The following SBF2 variants were observed in gnomAD, a reference collection of about 807,000 sequenced individuals.
SBF2 encodes the protein myotubularin-related protein 13.
Under a neutral mutation model 225.2 loss-of-function variants are expected in SBF2, and 112 were observed. The observed-to-expected ratio is 0.50, with a 90% CI of 0.43 to 0.58. The LOEUF (loss-of-function observed/expected upper bound fraction) is 0.58. SBF2 is among the 20% of genes least tolerant of loss of function. SBF2 has a pLI of 0.00. For missense variants in SBF2, 1,996 were observed against 2,206.2 expected (o/e 0.90, Z 1.91); for synonymous variants, 763 against 773.3 (o/e 0.99, Z 0.22).
chr11:9,785,803 G>T (rs1021831819), intron 36 of SBF2, among the ~76,000 whole-genome samples: 1 of 152,062 alleles, frequency 6.6e-6, no homozygotes, highest in Non-Finnish European at 1.5e-5. Context: ...AGTGAGCCAT[G>T]ATCACGCCAC....
rs556892735 is a variant in SBF2 at position 10,173,703 on chromosome 11, G to A, written c.141+20199C>T. Among the ~76,000 whole-genome samples, 18 of 152,002 alleles carry A rather than the reference G, an allele frequency of 1.2e-4. No homozygotes were observed. In the East Asian group the frequency reaches 2.6e-3, roughly 22 times the overall value. On this transcript the variant is annotated intron_variant, in intron 2 of 39. Transcript: ENST00000256190. ...CTGCCTCTGTAGGCTCCACCTCTGG[G>A]GGCAGGGCACAGACAAACAAAAAGA...
chr11:10,282,233 T>C (rs1963458035), intron 1 of SBF2, among the ~76,000 whole-genome samples: 1 of 152,178 alleles, frequency 6.6e-6, no homozygotes, highest in Admixed American at 6.5e-5. Context: ...CTTGGTTCTT[T>C]TGCAATACCT....
chr11:10,087,653 T>A (rs1156832035), intron 2 of SBF2, among the ~76,000 whole-genome samples: 1 of 152,248 alleles, frequency 6.6e-6, no homozygotes, highest in African/African-American at 2.4e-5. Context: ...ATGAAGCTCA[T>A]GAAGCTTATG....
intron 2 of SBF2, among the ~76,000 whole-genome samples, chr11:10,088,832 A>C (rs1951674604): frequency 6.6e-6 from 1 of 152,260 alleles, no homozygotes; most frequent in African/African-American, 2.4e-5. Context: ...TGGCAATCAG[A>C]ATAATGAGAA....
intron 1 of SBF2, among the ~76,000 whole-genome samples, chr11:10,203,835 C>A (rs1957653783): frequency 6.6e-6 from 1 of 151,684 alleles, no homozygotes; most frequent in Non-Finnish European, 1.5e-5. Context: ...AACAGAGAAA[C>A]AGACTGGGAA....
At chr11:10,292,513 C>G (rs1964223913) in intron 1 of SBF2, among the ~76,000 whole-genome samples, 1 of 151,960 alleles carries the variant, frequency 6.6e-6, no homozygotes, top group African/African-American at 2.4e-5. Context: ...AATCCCGTCT[C>G]TACTACAAAT....
At position 10,261,268 on chromosome 11, in the gene SBF2, T is replaced by C. The variant is rs186139752; in HGVS notation, c.55+32747A>G. Among the ~76,000 whole-genome samples the C allele has an allele frequency of 3.7e-4, 57 of 152,314 alleles. 1 individual carries two copies. The highest frequency in any genetic ancestry group is 1.2e-3 in the African/African-American group (51 of 41,572). On this transcript the variant is annotated intron_variant, in intron 1 of 39. Transcript: ENST00000256190. ...CCCAGGCTGGAGTGCAGTGGTACCA[T>C]CTTTGCTCACTGCAACCTCCACCTC...
At chr11:10,001,959 A>G (rs1947980651) in intron 7 of SBF2, among the ~76,000 whole-genome samples, 1 of 152,190 alleles carries the variant, frequency 6.6e-6, no homozygotes, top group Non-Finnish European at 1.5e-5. Flanking sequence ...CAGCACTATT[A>G]GTCATCACTG....
At chr11:10,186,249 GTTCA>G (rs1184274332) in intron 2 of SBF2, among the ~76,000 whole-genome samples, 16 of 152,168 alleles carry the variant, frequency 1.1e-4, no homozygotes, top group Admixed American at 2.6e-4. Flanking sequence ...ACATTAGTGT[GTTCA>G]TTGGGCAAGC....
At chr11:9,892,806 G>A (rs1054977605) in intron 17 of SBF2, among the ~76,000 whole-genome samples, 3 of 152,102 alleles carry the variant, frequency 2.0e-5, no homozygotes, top group Admixed American at 6.6e-5. Flanking sequence ...TGATCCGCCC[G>A]CCTCGGCCTC....
chr11:10,258,218 C>G (rs1961069440), intron 1 of SBF2, among the ~76,000 whole-genome samples: 1 of 151,928 alleles, frequency 6.6e-6, no homozygotes, highest in African/African-American at 2.4e-5. Flanking sequence ...AATCCTCATG[C>G]CCCAGCCCCC....
intron 1 of SBF2, among the ~76,000 whole-genome samples, chr11:10,286,672 G>GT (rs766922754): frequency 3.5e-4 from 53 of 151,936 alleles, no homozygotes; most frequent in South Asian, 1.0e-3. Flanking sequence ...TTTGTTTTTT[G>GT]TTTTTTTGTC....
chr11:9,976,652 CA>C (rs1458576993), intron 13 of SBF2, among the ~76,000 whole-genome samples: 1 of 152,140 alleles, frequency 6.6e-6, no homozygotes, highest in African/African-American at 2.4e-5. Flanking sequence ...TGTCAAATTA[CA>C]TATCTAGCAA....
chr11:9,831,642 C>T (rs1384484457), intron 27 of SBF2, among the ~76,000 whole-genome samples: 1 of 152,194 alleles, frequency 6.6e-6, no homozygotes, highest in African/African-American at 2.4e-5. Flanking sequence ...AATACAGCTC[C>T]TGACTTCAAG....
At chr11:9,940,791 T>C (rs1424336752) in intron 16 of SBF2, among the ~76,000 whole-genome samples, 1 of 151,380 alleles carries the variant, frequency 6.6e-6, no homozygotes, top group Admixed American at 6.6e-5. Flanking sequence ...TAAAAAATAA[T>C]AGAACAAGTG....
At chr11:10,153,658 G>A (rs1347003300) in intron 2 of SBF2, among the ~76,000 whole-genome samples, 2 of 151,420 alleles carry the variant, frequency 1.3e-5, no homozygotes, top group Admixed American at 1.3e-4. Context: ...AGCAGAAGGA[G>A]GAAAATAATA....
intron 2 of SBF2, among the ~76,000 whole-genome samples, chr11:10,098,669 G>A (rs936561820): frequency 8.4e-6 from 1 of 119,704 alleles, no homozygotes; most frequent in Non-Finnish European, 1.7e-5. Flanking sequence ...AATCAACAAA[G>A]ACAAAAAATG....
chr11:9,804,659 G>C (rs902091063), intron 32 of SBF2, among the ~76,000 whole-genome samples: 3 of 152,084 alleles, frequency 2.0e-5, no homozygotes, highest in African/African-American at 7.2e-5. Context: ...AGTCACTATG[G>C]TTTTGCCCTT....
chr11:10,185,209 G>C (rs966038152), intron 2 of SBF2, among the ~76,000 whole-genome samples: 1 of 152,050 alleles, frequency 6.6e-6, no homozygotes, highest in African/African-American at 2.4e-5. Context: ...TGACTACTGT[G>C]AACAATGCTA....
Sources: allele counts gnomAD v4.1 joint callset (sites outside exome capture counted in the v4.1 genomes callset), GRCh38; gene constraint gnomAD v4.1.1; transcripts MANE v1.5; gene names NCBI Gene and HGNC (gene_info 2026-07-23, HGNC 2026-07-21).